The following RNF180 variants were observed in gnomAD, a reference collection of about 807,000 sequenced individuals.
The protein encoded by RNF180 is ring finger protein 180.
Under a neutral mutation model 59.2 loss-of-function variants are expected in RNF180, and 38 were observed. The ratio of observed to expected loss-of-function variants is 0.64; its 90% CI spans 0.50 to 0.84. The LOEUF is 0.84. Among genes scored for constraint, RNF180 ranks in the 40% least tolerant of loss-of-function variants. The probability of loss-of-function intolerance (pLI) is 0.00; values close to 1 mark genes in which losing one functional copy is unlikely to be tolerated. For missense variants in RNF180, 705 were observed against 700.9 expected (o/e 1.01, Z -0.07); for synonymous variants, 262 against 240.3 (o/e 1.09, Z -0.84).
rs1269617153 is a variant in RNF180, at chr5:64,213,957, G to A, written c.631G>A (p.Val211Ile). Residue 211 changes from valine to isoleucine, a missense_variant, in exon 4 of 8, where the codon GTT (valine) becomes ATT (isoleucine). Val to Ile is a conservative substitution (Grantham distance 29, BLOSUM62 3). Transcript: ENST00000389100. ...ATCAGAACCAAAATACCAGCTTTTT[G>A]TTCCCCAGCTTGTGACTGGCAGATG... ...KASEPKYQLF[V>I]PQLVTGRCAT... 6.2e-7 allele frequency: 1 copy of A among 1,614,044 alleles called. No homozygotes were observed. Among genetic ancestry groups the A allele is most frequent in the Non-Finnish European group, 8.5e-7 (1 of 1,180,000 alleles).
intron 5 of RNF180, among the ~76,000 whole-genome samples, chr5:64,239,370 T>G (rs1346343294): frequency 6.6e-6 from 1 of 152,286 alleles, no homozygotes; most frequent in East Asian, 1.9e-4. Context: ...TCTCAGCTTA[T>G]TTCAGCTTTA....
intron 5 of RNF180, among the ~76,000 whole-genome samples, chr5:64,300,200 T>C (rs1424546467): frequency 6.6e-6 from 1 of 151,576 alleles, no homozygotes; most frequent in Non-Finnish European, 1.5e-5. Flanking sequence ...GAAAAAAAAA[T>C]TGTATTGCTA....
intron 1 of RNF180, among the ~76,000 whole-genome samples, chr5:64,192,903 G>GTGTGTGTATATA (rs1486448173): frequency 3.2e-5 from 3 of 93,868 alleles, no homozygotes; most frequent in African/African-American, 1.2e-4. Flanking sequence ...AGTGTGGCAT[G>GTGTGTGTATATA]TATATATATA....
chr5:64,218,101 G>C (rs979436502), intron 5 of RNF180, among the ~76,000 whole-genome samples: 90 of 151,630 alleles, frequency 5.9e-4, no homozygotes, highest in African/African-American at 2.1e-3. Flanking sequence ...TTTTTTTCCT[G>C]TAGAGCCAAC....
chr5:64,190,222 G>A (rs1751072826), intron 1 of RNF180, among the ~76,000 whole-genome samples: 1 of 152,190 alleles, frequency 6.6e-6, no homozygotes, highest in South Asian at 2.1e-4. Flanking sequence ...GATTATTATT[G>A]TGCCTTAATT....
chr5:64,336,994 TTTTG>T (rs1745151264), intron 7 of RNF180, among the ~76,000 whole-genome samples: 2 of 137,318 alleles, frequency 1.5e-5, no homozygotes, highest in African/African-American at 2.8e-5. Context: ...GATTTTCTTT[TTTTG>T]TTGTTGTTTT....
At chr5:64,190,518 G>A (rs903134619) in intron 1 of RNF180, among the ~76,000 whole-genome samples, 1 of 152,138 alleles carries the variant, frequency 6.6e-6, no homozygotes, top group African/African-American at 2.4e-5. Flanking sequence ...TTGGGATGGA[G>A]TGGATGTTTT....
At chr5:64,253,134 TAAAC>T (rs1743694119) in intron 5 of RNF180, among the ~76,000 whole-genome samples, 1 of 152,180 alleles carries the variant, frequency 6.6e-6, no homozygotes, top group Non-Finnish European at 1.5e-5. Context: ...CAGAGCTAAA[TAAAC>T]AAATTACGTC....
intron 5 of RNF180, among the ~76,000 whole-genome samples, chr5:64,315,005 T>G (rs1743965811): frequency 6.6e-6 from 1 of 152,220 alleles, no homozygotes; most frequent in Non-Finnish European, 1.5e-5. Context: ...TACATTAAAA[T>G]CCGTGGGTCT....
At chr5:64,214,784 A>C (rs1395714830) in intron 4 of RNF180, among the ~76,000 whole-genome samples, 1 of 152,124 alleles carries the variant, frequency 6.6e-6, no homozygotes, top group Non-Finnish European at 1.5e-5. Context: ...ATTAATCTCT[A>C]ATTAACACTG....
intron 5 of RNF180, among the ~76,000 whole-genome samples, chr5:64,219,416 GT>G (rs1295120116): frequency 4.0e-5 from 6 of 151,892 alleles, no homozygotes; most frequent in Non-Finnish European, 7.4e-5. Context: ...AATTGTCTCT[GT>G]TTTTTGTAAT....
At chr5:64,199,321 C>T (rs1203735516) in intron 1 of RNF180, among the ~76,000 whole-genome samples, 2 of 152,090 alleles carry the variant, frequency 1.3e-5, no homozygotes, top group African/African-American at 4.8e-5. Flanking sequence ...TGTCCATGTT[C>T]CCTCTCTTAT....
chr5:64,248,415 A>G (rs1580106625), intron 5 of RNF180, among the ~76,000 whole-genome samples: 1 of 151,562 alleles, frequency 6.6e-6, no homozygotes, highest in African/African-American at 2.4e-5. Flanking sequence ...TTACAAGAAA[A>G]AAACAACCTC....
intron 7 of RNF180, among the ~76,000 whole-genome samples, chr5:64,347,946 T>C (rs1339951912): frequency 6.6e-6 from 1 of 152,110 alleles, no homozygotes; most frequent in Non-Finnish European, 1.5e-5. Flanking sequence ...ATTGTAATAA[T>C]TCAAGATTTT....
chr5:64,182,233 T>C (rs1025323308), intron 1 of RNF180, among the ~76,000 whole-genome samples: 8 of 152,096 alleles, frequency 5.3e-5, no homozygotes, highest in Admixed American at 4.6e-4. Context: ...CCTCGTGATC[T>C]GCCCGCTTTG....
At chr5:64,178,822 C>T (rs755782310) in intron 1 of RNF180, among the ~76,000 whole-genome samples, 8 of 152,118 alleles carry the variant, frequency 5.3e-5, no homozygotes, top group Non-Finnish European at 1.0e-4. Context: ...AATCAATCAG[C>T]GTTGCTCATT....
At chr5:64,205,645 G>T (rs1451023966) in intron 2 of RNF180, among the ~76,000 whole-genome samples, 2 of 152,140 alleles carry the variant, frequency 1.3e-5, no homozygotes, top group Non-Finnish European at 2.9e-5. Flanking sequence ...AACTAAAACT[G>T]TGGATCATCA....
Position 64,341,084 on chromosome 5 carries a change from C to T in RNF180, c.1579+10678C>T, listed in dbSNP as rs140509058. On this transcript the variant is annotated intron_variant, in intron 7 of 7. Transcript: ENST00000389100. ...GGATGTTGGTGGGATATGATGCCTT[C>T]ATTTTAAAACACTTGCATTTATAAA... Among the ~76,000 whole-genome samples, 11 of 152,290 alleles carry T rather than the reference C, an allele frequency of 7.2e-5. No homozygotes were observed. The East Asian group carries it at 2.1e-3, about 29-fold the overall frequency.
At chr5:64,271,785 A>C (rs546694293) in intron 5 of RNF180, among the ~76,000 whole-genome samples, 46 of 152,116 alleles carry the variant, frequency 3.0e-4, no homozygotes, top group Non-Finnish European at 1.6e-4. Flanking sequence ...ATTAGTTGGC[A>C]ATCTAGAGTA....
Sources: gnomAD v4.1 joint callset for allele counts (sites outside exome capture counted in the v4.1 genomes callset) on GRCh38, gnomAD v4.1.1 for gene constraint, MANE v1.5 for transcripts, NCBI Gene and HGNC (gene_info 2026-07-23, HGNC 2026-07-21) for gene names.